Variants in SCARA5 observed in about 807,000 individuals in gnomAD.
The protein encoded by SCARA5 is scavenger receptor class A member 5.
Under a neutral mutation model 46.3 loss-of-function variants are expected in SCARA5, and 45 were observed. The observed-to-expected ratio is 0.97, with a 90% confidence interval of 0.76 to 1.24. The LOEUF (loss-of-function observed/expected upper bound fraction) is 1.24. Among genes scored for constraint, SCARA5 ranks in the 50% most tolerant of loss-of-function variants. SCARA5 has a pLI of 0.00. For synonymous variants in SCARA5, 333 were observed against 306.5 expected (o/e 1.09, Z -0.90); for missense variants, 680 against 689.0 (o/e 0.99, Z 0.15).
chr8:27,942,769 C>T (rs893168356), intron 3 of SCARA5, among the ~76,000 whole-genome samples: 1 of 152,082 alleles, frequency 6.6e-6, no homozygotes, highest in African/African-American at 2.4e-5. Flanking sequence ...AAAAAAAATG[C>T]CCTTTGCTGC....
intron 3 of SCARA5, among the ~76,000 whole-genome samples, chr8:27,942,816 C>T (rs570982618): frequency 2.0e-5 from 3 of 152,176 alleles, no homozygotes; most frequent in African/African-American, 4.8e-5. Flanking sequence ...AATGCTGAAG[C>T]CTGCTTTGCC....
At chr8:27,910,505 C>A (rs1585481882) in intron 4 of SCARA5, among the ~76,000 whole-genome samples, 3 of 152,106 alleles carry the variant, frequency 2.0e-5, no homozygotes, top group Admixed American at 2.0e-4. Context: ...TGGACTCAGC[C>A]CCTCCTGAGG....
Position 27,987,411 on chromosome 8 carries a change from C to T in SCARA5, c.112+93G>A, listed in dbSNP as rs17058395. The stretch of plus-strand genomic sequence containing the variant: ...CTATTACATGAGGAGGTCACAAGCA[C>T]TTAAAGGCAATGCCAAGGTTGGGTG... On this transcript the variant is annotated intron_variant, in intron 2 of 8. Coordinates refer to ENST00000354914, the MANE Select transcript of SCARA5 (RefSeq NM_173833.6). 6.0e-3 allele frequency: 4,927 copies of T among 824,782 alleles called. 158 individuals carry two copies. In the African/African-American group the frequency reaches 0.07, roughly 12 times the overall value. 51.1% of individuals were successfully genotyped at this position (824,782 alleles called of 1,614,324 possible). A position where few individuals can be genotyped will look rare whatever the true frequency, so the allele number is the denominator to read the frequency against.
At position 27,919,240 on chromosome 8, in the gene SCARA5, C is replaced by T. The variant is rs376557909; in HGVS notation, c.916+2331G>A. On this transcript the variant is annotated intron_variant, in intron 4 of 8. Transcript: ENST00000354914. ...GAAGAGAAGGAGGAGGAGGAAGAGA[C>T]GGAGGAGGAAGAGAAAGAGGAGAAG... is the stretch of plus-strand genomic sequence containing the variant. Among the ~76,000 whole-genome samples, 63 of 2,322 alleles carry T rather than the reference C, an allele frequency of 0.027. 2 individuals are homozygous for T. The East Asian group carries it at 0.29, about 11-fold the overall frequency. 1.5% of individuals were successfully genotyped at this position (2,322 alleles called of 152,430 possible). A position where few individuals can be genotyped will look rare whatever the true frequency, so the allele number is the denominator to read the frequency against.
rs567483408 is a variant in SCARA5, at chr8:27,904,965, G to A, written c.1097-131C>T. 9.0e-6 allele frequency: 7 copies of A among 780,154 alleles called. No homozygotes were observed. In the Admixed American group the frequency reaches 1.1e-4, roughly 12 times the overall value. The allele number at this position is 780,154 out of a possible 1,614,324, so 48.3% of individuals were successfully genotyped here. ...GGCAGGAGCCAGCAGCAACTGGAGA[G>A]CCCAGCAGGCAGGAGAAGAGGGCAG... is the stretch of plus-strand genomic sequence containing the variant. On this transcript the variant is annotated intron_variant, in intron 6 of 8. Coordinates refer to ENST00000354914, the MANE Select transcript of SCARA5 (RefSeq NM_173833.6).
chr8:27,939,709 G>A (rs891606005), intron 3 of SCARA5, among the ~76,000 whole-genome samples: 2 of 152,170 alleles, frequency 1.3e-5, no homozygotes, highest in African/African-American at 4.8e-5. Flanking sequence ...ATATTCGTGG[G>A]AGTCTACTCA....
chr8:27,912,982 G>C lies in SCARA5; in HGVS notation c.917-3239C>G, dbSNP rs73567095. On this transcript the variant is annotated intron_variant, in intron 4 of 8. Transcript: ENST00000354914. ...ATGATGACTAGAGAAGGGCTTCAAA[G>C]CCTTGAGTGAGGGGGGCCATCCCGA... Among the ~76,000 whole-genome samples the C allele has an allele frequency of 5.9e-3, 899 of 152,316 alleles. 12 individuals carry two copies. The highest frequency in any genetic ancestry group is 0.019 in the African/African-American group (796 of 41,578).
At chr8:27,925,577 C>T (rs1807667742) in intron 3 of SCARA5, among the ~76,000 whole-genome samples, 3 of 152,112 alleles carry the variant, frequency 2.0e-5, no homozygotes, top group Admixed American at 1.3e-4. Flanking sequence ...TAGGCATGGG[C>T]AAGGACTTCA....
rs181311034 is a variant in SCARA5, at chr8:27,933,157, G to A, written c.242-10912C>T. On this transcript the variant is annotated intron_variant, in intron 3 of 8. Transcript: ENST00000354914. Reference sequence around the variant, plus strand: ...GTTCCTGCTGCCCTCTTGGGCTGCAGGCGTTGATTTTTAGGACTAGCAGAT... The same window carrying A: ...GTTCCTGCTGCCCTCTTGGGCTGCAAGCGTTGATTTTTAGGACTAGCAGAT... Among the ~76,000 whole-genome samples, 361 of 152,310 alleles carry A rather than the reference G, an allele frequency of 2.4e-3. 1 individual carries two copies. Among genetic ancestry groups the A allele is most frequent in the Non-Finnish European group, 4.3e-3 (295 of 68,016 alleles).
chr8:27,926,240 A>G (rs1443551454), intron 3 of SCARA5, among the ~76,000 whole-genome samples: 1 of 152,234 alleles, frequency 6.6e-6, no homozygotes, highest in Non-Finnish European at 1.5e-5. Context: ...AATGTGGCAC[A>G]TATACACCAT....
rs76076169 is a variant in SCARA5 at position 27,905,532 on chromosome 8, G to A, written c.1097-698C>T. ...AGGATGATCCAAGATTTGGGGGGGG[G>A]AAAAAAAAAAGGCAGCCATATACAT... On this transcript the variant is annotated intron_variant, in intron 6 of 8. Coordinates refer to ENST00000354914, the MANE Select transcript of SCARA5 (RefSeq NM_173833.6). Among the ~76,000 whole-genome samples the A allele has an allele frequency of 1.7e-4, 7 of 41,596 alleles. 1 individual carries two copies. Among genetic ancestry groups the A allele is most frequent in the East Asian group, 6.2e-4 (1 of 1,622 alleles). The allele number at this position is 41,596 out of a possible 152,430, so 27.3% of individuals were successfully genotyped here. A position where few individuals can be genotyped will look rare whatever the true frequency, so the allele number is the denominator to read the frequency against.
At chr8:27,976,543 G>A (rs371052377) in intron 2 of SCARA5, among the ~76,000 whole-genome samples, 1 of 152,078 alleles carries the variant, frequency 6.6e-6, no homozygotes, top group African/African-American at 2.4e-5. Context: ...GCAACCTTCC[G>A]CCCACCTCCT....
At chr8:27,889,512 C>A (rs538219727) in intron 7 of SCARA5, among the ~76,000 whole-genome samples, 4 of 152,286 alleles carry the variant, frequency 2.6e-5, no homozygotes, top group South Asian at 2.1e-4. Context: ...GGGGCCTGAA[C>A]TTGAGACTTA....
chr8:27,907,186 A>G lies in SCARA5; in HGVS notation c.1058T>C (p.Leu353Pro). The change falls in exon 6 of 9, where the codon CTG becomes CCG. Residue 353 changes from leucine (L) to proline (P), a missense_variant. By Grantham distance (98) the Leu-to-Pro change is moderately conservative (BLOSUM62 -3). This residue lies in a region of SCARA5 where 219 missense variants were observed against 269.5 expected (regional missense o/e 0.81). Coordinates refer to ENST00000354914, the MANE Select transcript of SCARA5 (RefSeq NM_173833.6). ...LPGPKGDDGK[L>P]GATGPMGMRG... ...CATGCCCATTGGTCCTGTGGCCCCC[A>G]GCTTCCCATCATCGCCCTTGGGCCC... is the stretch of plus-strand genomic sequence containing the variant. The G allele has an allele frequency of 6.2e-7, 1 of 1,613,726 alleles. No homozygotes were observed. The highest frequency in any genetic ancestry group is 8.5e-7 in the Non-Finnish European group (1 of 1,179,848).
chr8:27,959,766 T>G (rs1808265621), intron 3 of SCARA5, among the ~76,000 whole-genome samples: 1 of 152,126 alleles, frequency 6.6e-6, no homozygotes, highest in Non-Finnish European at 1.5e-5. Flanking sequence ...TCGCAGTTGT[T>G]TTTTGGGAAA....
rs377587450 is a variant in SCARA5 at position 27,879,590 on chromosome 8, G to A, written c.1330C>T (p.Arg444Cys). 1.3e-5 allele frequency: 21 copies of A among 1,609,088 alleles called. No individual in the cohort carries two copies. Among genetic ancestry groups the A allele is most frequent in the Non-Finnish European group, 1.8e-5 (21 of 1,179,984 alleles). Reference protein sequence around the residue: ...LGFRGVEEVYRTARFGQGTGR... With the variant: ...LGFRGVEEVYCTARFGQGTGR... ...TTACCTTGCCCGAATCGAGCTGTGC[G>A]GTACACCTCCTCCACACCGCGGAAG... The change falls in exon 8 of 9, where the codon CGC (arginine) becomes TGC (cysteine). Residue 444 changes from arginine (R) to cysteine (C), a missense_variant. Coordinates refer to ENST00000354914, the MANE Select transcript of SCARA5 (RefSeq NM_173833.6).
intron 2 of SCARA5, among the ~76,000 whole-genome samples, chr8:27,984,549 C>CCATTCATTCATCCATCT (rs1808672449): frequency 1.9e-5 from 2 of 104,060 alleles, no homozygotes; most frequent in African/African-American, 1.0e-4. Flanking sequence ...TTCATCCATC[C>CCATTCATTCATCCATCT]ATCCATTCAT....
intron 4 of SCARA5, among the ~76,000 whole-genome samples, chr8:27,911,284 C>A (rs545790809): frequency 6.6e-6 from 1 of 152,208 alleles, no homozygotes; most frequent in African/African-American, 2.4e-5. Context: ...TGTGTCCCAT[C>A]TTTCCTAAGA....
intron 3 of SCARA5, among the ~76,000 whole-genome samples, chr8:27,924,656 T>C (rs1214631797): frequency 1.3e-5 from 2 of 152,204 alleles, no homozygotes; most frequent in Non-Finnish European, 2.9e-5. Context: ...GACTTAGAAT[T>C]TGCCTCCTTG....
Sources: allele counts gnomAD v4.1 joint callset (sites outside exome capture counted in the v4.1 genomes callset), GRCh38; gene constraint gnomAD v4.1.1; regional missense constraint gnomAD v4.1.1; transcripts MANE v1.5; gene names NCBI Gene and HGNC (gene_info 2026-07-23, HGNC 2026-07-21).